The following CD58 variants were observed in gnomAD, a reference collection of about 807,000 sequenced individuals.
CD58 encodes the protein lymphocyte function-associated antigen 3.
A neutral mutation model predicts 27.6 loss-of-function variants in CD58; 14 were observed. The observed-to-expected ratio is 0.51, with a 90% CI of 0.34 to 0.79. The LOEUF (loss-of-function observed/expected upper bound fraction) is 0.79, where lower values mean the gene tolerates loss of function less well. Ranked by LOEUF, CD58 falls within the 30% of genes least tolerant of loss-of-function variation. CD58 has a pLI of 0.02. For missense variants in CD58, 268 were observed against 301.7 expected, an observed-to-expected ratio of 0.89 and a Z score of 0.83; for synonymous variants, 117 against 103.8, an observed-to-expected ratio of 1.13 and a Z score of -0.77.
At chr1:116,530,811 T>C (rs1363020842) in intron 3 of CD58, among the ~76,000 whole-genome samples, 1 of 152,148 alleles carries the variant, frequency 6.6e-6, no homozygotes, top group East Asian at 1.9e-4. Context: ...ACTGTTACTG[T>C]TCAAAAGAAC....
chr1:116,540,396 G>A (rs1462959655), intron 2 of CD58, among the ~76,000 whole-genome samples: 2 of 151,266 alleles, frequency 1.3e-5, no homozygotes, highest in African/African-American at 4.9e-5. Flanking sequence ...TCATGCAGAT[G>A]TGAAACCTAG....
Position 116,516,653 on chromosome 1 carries a change from TTCTACTCCAC to T in CD58, c.744-1841_744-1832del, listed in dbSNP as rs1235282123. 1.1e-4 allele frequency among the ~76,000 whole-genome samples: 16 copies of T among 152,294 alleles called. No homozygotes were observed. Among genetic ancestry groups the T allele is most frequent in the African/African-American group, 3.9e-4 (16 of 41,554 alleles). ...CTGTTTATCCCACCTGGAATGCCTTTTCTACTCCACTCTTGTTCTGAAAATGTAGGTCACA... is the reference window on the plus strand; with the variant it reads ...CTGTTTATCCCACCTGGAATGCCTTTTCTTGTTCTGAAAATGTAGGTCACA... On this transcript the variant is annotated intron_variant, in intron 5 of 5. Coordinates refer to ENST00000369489, the MANE Select transcript of CD58 (RefSeq NM_001779.3). This position sits in a 1 kb window ranked among gnomAD's most constrained non-coding sequence, Gnocchi z 6.1.
chr1:116,529,285 T>C (rs1003755410), intron 3 of CD58, among the ~76,000 whole-genome samples: 6 of 152,358 alleles, frequency 3.9e-5, no homozygotes, highest in Admixed American at 1.3e-4. Flanking sequence ...ATCTGTAGCA[T>C]GGGCATAAAA....
In CD58 at chr1:116,522,091, G is replaced by T. The variant is rs762730077; in HGVS notation, c.629-108C>A. 1.6e-6 allele frequency: 1 copy of T among 616,300 alleles called. No individual in the cohort carries two copies. The highest frequency in any genetic ancestry group is 2.9e-6 in the Non-Finnish European group (1 of 342,568). The allele number at this position is 616,300 out of a possible 1,614,324, so 38.2% of individuals were successfully genotyped here. On this transcript the variant is annotated intron_variant, in intron 3 of 5. Transcript: ENST00000369489. The surrounding 1 kb of genome is among the most constrained non-coding windows in gnomAD (Gnocchi z 4.6). ...TTTGCTTATTTACTGAAATTTATTT[G>T]TAATCCACAAATCAATACCCAAAGC...
At chr1:116,529,152 C>T (rs1657516302) in intron 3 of CD58, among the ~76,000 whole-genome samples, 1 of 152,218 alleles carries the variant, frequency 6.6e-6, no homozygotes, top group Admixed American at 6.5e-5. Flanking sequence ...TGCTCCCAAT[C>T]CCATGTTCTC....
At chr1:116,564,559 A>T (rs1489628798) in intron 1 of CD58, among the ~76,000 whole-genome samples, 1 of 152,198 alleles carries the variant, frequency 6.6e-6, no homozygotes, top group African/African-American at 2.4e-5. Context: ...AGGCCCCACA[A>T]TCATGGCAGA....
rs1297732798 is a variant in CD58, at chr1:116,528,629, G to A, written c.629-6646C>T. On this transcript the variant is annotated intron_variant, in intron 3 of 5. Coordinates refer to ENST00000369489, the MANE Select transcript of CD58 (RefSeq NM_001779.3). This position sits in a 1 kb window ranked among gnomAD's most constrained non-coding sequence, Gnocchi z 4.4. ...TGCCCTTTCCCTAGGCTCCCATTTAGAGTTCTGTGTCAATGTGGAGGGTGT... is the reference window on the plus strand; with the variant it reads ...TGCCCTTTCCCTAGGCTCCCATTTAAAGTTCTGTGTCAATGTGGAGGGTGT... 6.6e-6 allele frequency among the ~76,000 whole-genome samples: 1 copy of A among 152,186 alleles called. No homozygotes were observed. The highest frequency in any genetic ancestry group is 1.5e-5 in the Non-Finnish European group (1 of 68,028).
rs1657341555 is a variant in CD58, at chr1:116,523,736, C to T, written c.629-1753G>A. On this transcript the variant is annotated intron_variant, in intron 3 of 5. Coordinates refer to ENST00000369489, the MANE Select transcript of CD58 (RefSeq NM_001779.3). The surrounding 1 kb of genome is among the most constrained non-coding windows in gnomAD (Gnocchi z 4.4). ...TCAAGGGTTTGCAAAGTGGTTTAGT[C>T]TATCATTCCTTCTTTACTAACTACA... Among the ~76,000 whole-genome samples the T allele has an allele frequency of 6.6e-6, 1 of 152,158 alleles. No homozygotes were observed. The highest frequency in any genetic ancestry group is 1.5e-5 in the Non-Finnish European group (1 of 68,032).
Position 116,557,409 on chromosome 1 carries a change from C to T in CD58, c.71-12805G>A, listed in dbSNP as rs368444730. Among the ~76,000 whole-genome samples the T allele has an allele frequency of 3.9e-5, 6 of 152,240 alleles. No individual in the cohort carries two copies. Among genetic ancestry groups the T allele is most frequent in the African/African-American group, 7.2e-5 (3 of 41,548 alleles). The stretch of plus-strand genomic sequence containing the variant: ...CACCAAAGCAAGATGGGAGGACCTG[C>T]GGGCTCCACCTTCCCAACTCCACAG... On this transcript the variant is annotated intron_variant, in intron 1 of 5. Coordinates refer to ENST00000369489, the MANE Select transcript of CD58 (RefSeq NM_001779.3). This position sits in a 1 kb window ranked among gnomAD's most constrained non-coding sequence, Gnocchi z 5.2.
chr1:116,536,213 G>T lies in CD58; in HGVS notation c.380C>A (p.Pro127His), dbSNP rs1557836525. Residue 127 changes from proline (P) to histidine (H), a missense_variant, in exon 3 of 6, where the codon CCC (proline) becomes CAC (histidine). By Grantham distance (77) the Pro-to-His change is moderately conservative. Transcript: ENST00000369489. This position sits in a 1 kb window ranked among gnomAD's most constrained non-coding sequence, Gnocchi z 5.4. Reference sequence around the variant, plus strand: ...ATTAGTCAATGCACAAGTTAGTGTGGGAGATGGAAGAGACTCTGGAAAAAA... The same window carrying T: ...ATTAGTCAATGCACAAGTTAGTGTGTGAGATGGAAGAGACTCTGGAAAAAA... ...FLYVLESLPSPTLTCALTNGS... is the reference protein window; with the variant it reads ...FLYVLESLPSHTLTCALTNGS... The T allele has an allele frequency of 6.2e-7, 1 of 1,608,546 alleles. No individual in the cohort carries two copies. Among genetic ancestry groups the T allele is most frequent in the Admixed American group, 1.7e-5 (1 of 59,888 alleles).
intron 1 of CD58, among the ~76,000 whole-genome samples, chr1:116,560,925 T>C (rs138825502): frequency 4.6e-4 from 70 of 152,296 alleles, no homozygotes; most frequent in African/African-American, 1.6e-3. Flanking sequence ...AAGTTGAGAT[T>C]TGTCATTGCA....
Position 116,523,697 on chromosome 1 carries a change from G to C in CD58, c.629-1714C>G, listed in dbSNP as rs976531813. Reference sequence around the variant, plus strand: ...CAGTGCCACTGAAGATCATTGTCTAGAGCCATAAGTTCATCAAGGGTTTGC... The same window carrying C: ...CAGTGCCACTGAAGATCATTGTCTACAGCCATAAGTTCATCAAGGGTTTGC... On this transcript the variant is annotated intron_variant, in intron 3 of 5. Transcript: ENST00000369489. This position sits in a 1 kb window ranked among gnomAD's most constrained non-coding sequence, Gnocchi z 4.4. Among the ~76,000 whole-genome samples, 18 of 152,108 alleles carry C rather than the reference G, an allele frequency of 1.2e-4. No homozygotes were observed. The highest frequency in any genetic ancestry group is 4.3e-4 in the African/African-American group (18 of 41,414).
rs1286509639 is a variant in CD58, at chr1:116,538,666, A to G, written c.365-2438T>C. Among the ~76,000 whole-genome samples the G allele has an allele frequency of 5.3e-5, 8 of 152,200 alleles. No homozygotes were observed. The highest frequency in any genetic ancestry group is 4.6e-4 in the Admixed American group (7 of 15,278). Reference sequence around the variant, plus strand: ...CTAATGTATTGATCTAGCTCTGCCAATGTCTAGTCTTTCATCCAGCACTTT... The same window carrying G: ...CTAATGTATTGATCTAGCTCTGCCAGTGTCTAGTCTTTCATCCAGCACTTT... On this transcript the variant is annotated intron_variant, in intron 2 of 5. Coordinates refer to ENST00000369489, the MANE Select transcript of CD58 (RefSeq NM_001779.3). The surrounding 1 kb of genome is among the most constrained non-coding windows in gnomAD (Gnocchi z 4.7).
chr1:116,521,947 G>T lies in CD58; in HGVS notation c.665C>A (p.Pro222Gln). ...AATACATGTTGTAATTACTGCTAAT[G>T]GTATGGGTATAAGTGCATATCTGTG... The part of the protein sequence containing the change: ...SRHRYALIPI[P>Q]LAVITTCIVL... Residue 222 changes from proline (P) to glutamine (Q), a missense_variant, in exon 4 of 6, where the codon CCA (proline) becomes CAA (glutamine). Physicochemically the swap from Pro to Gln is moderately conservative, Grantham distance 76. Coordinates refer to ENST00000369489, the MANE Select transcript of CD58 (RefSeq NM_001779.3). The surrounding 1 kb of genome is among the most constrained non-coding windows in gnomAD (Gnocchi z 5.6). 1 of 1,584,388 alleles carries T rather than the reference G, an allele frequency of 6.3e-7. No individual in the cohort carries two copies. The highest frequency in any genetic ancestry group is 1.1e-5 in the South Asian group (1 of 89,778).
In CD58 at chr1:116,534,108, C is replaced by G; in HGVS notation, c.628+1857G>C. On this transcript the variant is annotated intron_variant, in intron 3 of 5. Transcript: ENST00000369489. The surrounding 1 kb of genome is among the most constrained non-coding windows in gnomAD (Gnocchi z 5.3). The stretch of plus-strand genomic sequence containing the variant: ...TATCTGCCATCTGAATGTTTTTATC[C>G]CCTTGTCTGGTAAACCAAGTCCCGT... The G allele has an allele frequency of 1.3e-6, 1 of 766,672 alleles. No individual in the cohort carries two copies. Among genetic ancestry groups the G allele is most frequent in the South Asian group, 1.4e-5 (1 of 73,476 alleles). 47.5% of individuals were successfully genotyped at this position (766,672 alleles called of 1,614,324 possible).
In CD58 at chr1:116,530,449, C is replaced by T. The variant is rs1376410157; in HGVS notation, c.628+5516G>A. ...CTTGATCTCCTGACCTCGTGATCCA[C>T]CCGCCTCAGCCTCCCAAAGTGTTGG... On this transcript the variant is annotated intron_variant, in intron 3 of 5. Coordinates refer to ENST00000369489, the MANE Select transcript of CD58 (RefSeq NM_001779.3). Among the ~76,000 whole-genome samples the T allele has an allele frequency of 7.2e-5, 11 of 152,182 alleles. No individual in the cohort carries two copies. The East Asian group carries it at 2.1e-3, about 29-fold the overall frequency.
rs747213273 is a variant in CD58, at chr1:116,570,876, G to T, written c.70+27C>A. 87 of 1,532,656 alleles carry T rather than the reference G, an allele frequency of 5.7e-5. No homozygotes were observed. The Middle Eastern group carries it at 8.1e-4, about 14-fold the overall frequency. The allele number at this position is 1,532,656 out of a possible 1,614,324, so 94.9% of individuals were successfully genotyped here. On this transcript the variant is annotated intron_variant, in intron 1 of 5. Transcript: ENST00000369489. This position sits in a 1 kb window ranked among gnomAD's most constrained non-coding sequence, Gnocchi z 6.4. ...CTGCCCAGTACCCGCCGGCCGGCGCGGGGCCCCTGGGGCAGGCTTCACTCA... is the reference window on the plus strand; with the variant it reads ...CTGCCCAGTACCCGCCGGCCGGCGCTGGGCCCCTGGGGCAGGCTTCACTCA...
intron 1 of CD58, 30 bp from the exon 2 acceptor site, chr1:116,544,634 AAAC>A (rs760389204): frequency 6.8e-7 from 1 of 1,481,346 alleles, no homozygotes; most frequent in Non-Finnish European, 9.1e-7. Flanking sequence ...TGGTTAGAAA[AAAC>A]AACATGACTT....
chr1:116,554,995 G>A (rs937165816), intron 1 of CD58, among the ~76,000 whole-genome samples: 1 of 152,054 alleles, frequency 6.6e-6, no homozygotes, highest in African/African-American at 2.4e-5. Context: ...AAAGGGGAGT[G>A]AGTTTTTTCT....
Sources: allele counts gnomAD v4.1 joint callset (sites outside exome capture counted in the v4.1 genomes callset), GRCh38; gene constraint gnomAD v4.1.1; non-coding constraint Gnocchi (gnomAD v3.1); transcripts MANE v1.5; gene names NCBI Gene and HGNC (gene_info 2026-07-23, HGNC 2026-07-21).